NBEA: variants seen among roughly 807,000 people sequenced by gnomAD.
NBEA encodes neurobeachin.
A neutral mutation model predicts 343.4 loss-of-function variants in NBEA; 44 were observed. That is an observed-to-expected ratio of 0.13 (90% CI 0.10 to 0.16). The LOEUF (loss-of-function observed/expected upper bound fraction) is 0.16, where lower values mean the gene tolerates loss of function less well. NBEA is among the 10% of genes least tolerant of loss of function. The pLI, the probability that NBEA is intolerant of heterozygous loss-of-function variation, is 1.00. For synonymous variants in NBEA, 1,175 were observed against 1,238.7 expected (o/e 0.95, Z 1.08); for missense variants, 2,555 against 3,631.3 (o/e 0.70, Z 7.62).
chr13:35,140,636 G>A (rs2068033684), intron 17 of NBEA, among the ~76,000 whole-genome samples: 1 of 152,080 alleles, frequency 6.6e-6, no homozygotes, highest in African/African-American at 2.4e-5. Flanking sequence ...CCTGGACTGA[G>A]GCAGATAGGG....
At chr13:35,641,931 TAAATA>T (rs1203285490) in intron 49 of NBEA, among the ~76,000 whole-genome samples, 3 of 152,130 alleles carry the variant, frequency 2.0e-5, no homozygotes, top group South Asian at 4.1e-4. Flanking sequence ...TTTGAATAAA[TAAATA>T]AAAGTGAATG....
At chr13:35,000,509 T>A (rs938334042) in intron 1 of NBEA, among the ~76,000 whole-genome samples, 2 of 151,802 alleles carry the variant, frequency 1.3e-5, no homozygotes, top group South Asian at 4.1e-4. Flanking sequence ...CCAGATACTT[T>A]GTTAACATTT....
intron 31 of NBEA, among the ~76,000 whole-genome samples, chr13:35,203,112 A>C (rs936494201): frequency 6.6e-6 from 1 of 152,180 alleles, no homozygotes; most frequent in Non-Finnish European, 1.5e-5. Flanking sequence ...TCTGTGACAT[A>C]GCAGCCAGAG....
intron 30 of NBEA, 73 bp downstream of exon 30, chr13:35,184,144 G>T (rs2071519150): frequency 4.6e-6 from 5 of 1,092,490 alleles, no homozygotes; most frequent in Non-Finnish European, 6.6e-6. Context: ...AAATATTCAT[G>T]ATATACTTGT....
chr13:35,498,899 T>C (rs1228713594), intron 41 of NBEA, among the ~76,000 whole-genome samples: 1 of 152,064 alleles, frequency 6.6e-6, no homozygotes, highest in Non-Finnish European at 1.5e-5. Context: ...TGATGAGGTG[T>C]TCATGACCTT....
At chr13:35,656,969 C>G (rs983787320) in intron 55 of NBEA, among the ~76,000 whole-genome samples, 4 of 152,174 alleles carry the variant, frequency 2.6e-5, no homozygotes, top group African/African-American at 4.8e-5. Context: ...CTGGTTAGTT[C>G]CAACCTGTGA....
chr13:35,213,062 T>G (rs1382920461), intron 33 of NBEA, among the ~76,000 whole-genome samples: 3 of 152,058 alleles, frequency 2.0e-5, no homozygotes, highest in African/African-American at 7.2e-5. Context: ...GCTTTTGGTG[T>G]TGTAAATGCT....
chr13:35,249,428 C>T (rs555275038), intron 34 of NBEA, among the ~76,000 whole-genome samples: 23 of 152,106 alleles, frequency 1.5e-4, no homozygotes, highest in Middle Eastern at 3.4e-3. Flanking sequence ...AATAAAACTA[C>T]AAATAACCCA....
chr13:35,550,777 C>A lies in NBEA; in HGVS notation c.6704-153C>A, dbSNP rs1448347693. Among the ~76,000 whole-genome samples, 6 of 152,218 alleles carry A rather than the reference C, an allele frequency of 3.9e-5. No individual in the cohort carries two copies. The South Asian group carries it at 1.0e-3, about 26-fold the overall frequency. ...TGTTTGAAATGTTAGCCCTAGGTTT[C>A]TCATGGATAAAGTTATACTGAAAGC... On this transcript the variant is annotated intron_variant, in intron 42 of 58. Transcript: ENST00000379939.
At chr13:34,990,582 C>T (rs1032947122) in intron 1 of NBEA, among the ~76,000 whole-genome samples, 2 of 150,910 alleles carry the variant, frequency 1.3e-5, no homozygotes, top group African/African-American at 4.8e-5. Flanking sequence ...CTCTCAAAAC[C>T]ATTCTTCCCT....
chr13:35,048,618 A>G lies in NBEA; in HGVS notation c.779A>G (p.Asn260Ser). The G allele has an allele frequency of 1.3e-6, 2 of 1,562,884 alleles. No homozygotes were observed. Among genetic ancestry groups the G allele is most frequent in the Non-Finnish European group, 1.8e-6 (2 of 1,135,504 alleles). Reference protein sequence around the residue: ...KWPYQNGFTLNTWFRMDPLNN... With the variant: ...KWPYQNGFTLSTWFRMDPLNN... The stretch of plus-strand genomic sequence containing the variant: ...CCTTATCAGAATGGCTTCACCTTAA[A>G]CACTTGGTTTCGTATGGATCCATTA... The change falls in exon 5 of 59, where the codon AAC becomes AGC. Residue 260 changes from asparagine to serine, a missense_variant. Coordinates refer to ENST00000379939, the MANE Select transcript of NBEA (RefSeq NM_001385012.1).
At chr13:35,637,237 CA>C (rs2083730838) in intron 49 of NBEA, among the ~76,000 whole-genome samples, 1 of 152,072 alleles carries the variant, frequency 6.6e-6, no homozygotes, top group African/African-American at 2.4e-5. Context: ...ATCAAAGCTG[CA>C]GTGAGATACC....
intron 23 of NBEA, 70 bp from the exon 24 acceptor site, chr13:35,164,286 T>C: frequency 7.4e-7 from 1 of 1,343,788 alleles, no homozygotes; most frequent in Non-Finnish European, 1.0e-6. Flanking sequence ...TTTTCACTTG[T>C]TATTCTAATT....
intron 28 of NBEA, among the ~76,000 whole-genome samples, chr13:35,181,870 C>G (rs2071343595): frequency 6.6e-6 from 1 of 151,722 alleles, no homozygotes; most frequent in Non-Finnish European, 1.5e-5. Context: ...TCTGCTCCCC[C>G]ATTGTTTATT....
At chr13:35,052,706 T>C (rs2152564550) in intron 6 of NBEA, among the ~76,000 whole-genome samples, 1 of 152,062 alleles carries the variant, frequency 6.6e-6, no homozygotes, top group African/African-American at 2.4e-5. Flanking sequence ...CTGTTATCTG[T>C]AGAGTACAGT....
intron 48 of NBEA, among the ~76,000 whole-genome samples, chr13:35,621,307 A>C (rs1376481282): frequency 6.6e-6 from 1 of 152,132 alleles, no homozygotes; most frequent in Non-Finnish European, 1.5e-5. Flanking sequence ...CTCCATGTTG[A>C]ATGAATGAAT....
chr13:35,634,051 A>C (rs1690533345), intron 49 of NBEA, among the ~76,000 whole-genome samples: 1 of 152,162 alleles, frequency 6.6e-6, no homozygotes, highest in South Asian at 2.1e-4. Context: ...TATTTTTAAA[A>C]GTTTTACATT....
At chr13:35,143,808 A>G (rs1006523629) in intron 18 of NBEA, among the ~76,000 whole-genome samples, 1 of 151,700 alleles carries the variant, frequency 6.6e-6, no homozygotes, top group African/African-American at 2.4e-5. Context: ...GGTCTGCTAG[A>G]TCCCAGGAGG....
At chr13:35,444,809 A>T (rs2045912015) in intron 39 of NBEA, among the ~76,000 whole-genome samples, 1 of 152,148 alleles carries the variant, frequency 6.6e-6, no homozygotes, top group African/African-American at 2.4e-5. Flanking sequence ...ATGCAAAATC[A>T]GAAGTACATG....
Sources: gnomAD v4.1 joint callset for allele counts (sites outside exome capture counted in the v4.1 genomes callset) on GRCh38, gnomAD v4.1.1 for gene constraint, MANE v1.5 for transcripts, NCBI Gene and HGNC (gene_info 2026-07-23, HGNC 2026-07-21) for gene names.